Variants in PCCA observed in about 807,000 individuals in gnomAD.
PCCA encodes propionyl-CoA carboxylase subunit alpha, also known as propionyl-CoA carboxylase alpha chain, mitochondrial.
Under a neutral mutation model 101.3 loss-of-function variants are expected in PCCA, and 74 were observed. That is an observed-to-expected ratio of 0.73 (90% confidence interval 0.61 to 0.89). The LOEUF (loss-of-function observed/expected upper bound fraction) is 0.89. PCCA is among the 40% of genes least tolerant of loss of function. The pLI, the probability that PCCA is intolerant of heterozygous loss-of-function variation, is 0.00. For missense variants in PCCA, 891 were observed against 907.0 expected (o/e 0.98, Z 0.23); for synonymous variants, 294 against 313.6 (o/e 0.94, Z 0.66).
chr13:100,399,790 G>A (rs2077228369), intron 19 of PCCA, among the ~76,000 whole-genome samples: 1 of 152,204 alleles, frequency 6.6e-6, no homozygotes, highest in South Asian at 2.1e-4. Context: ...ATTGTAGAAA[G>A]CATAATATGC....
In PCCA at chr13:100,476,918, G is replaced by A. The variant is rs533133393; in HGVS notation, c.1899+27613G>A. Among the ~76,000 whole-genome samples the A allele has an allele frequency of 4.7e-4, 72 of 152,242 alleles. 2 individuals carry two copies. The South Asian group carries it at 0.013, about 27-fold the overall frequency. On this transcript the variant is annotated intron_variant, in intron 21 of 23. Transcript: ENST00000376285. Reference sequence around the variant, plus strand: ...ATGAAAACTTTAGACTCTGAAGCTCGTCACTTTATTCTGCCATATTTTAGT... The same window carrying A: ...ATGAAAACTTTAGACTCTGAAGCTCATCACTTTATTCTGCCATATTTTAGT...
At chr13:100,289,427 G>C (rs908200126) in intron 12 of PCCA, among the ~76,000 whole-genome samples, 4 of 152,118 alleles carry the variant, frequency 2.6e-5, no homozygotes, top group Non-Finnish European at 5.9e-5. Context: ...GGGATTATAG[G>C]AGTAAGCTGC....
At chr13:100,277,263 G>A (rs1186043310) in intron 12 of PCCA, among the ~76,000 whole-genome samples, 1 of 152,070 alleles carries the variant, frequency 6.6e-6, no homozygotes, top group African/African-American at 2.4e-5. Context: ...TACTTTGGTG[G>A]CCTCTTATCT....
At chr13:100,380,702 G>C (rs1445002068) in intron 19 of PCCA, among the ~76,000 whole-genome samples, 1 of 152,230 alleles carries the variant, frequency 6.6e-6, no homozygotes, top group Admixed American at 6.5e-5. Context: ...ATGGATTGAA[G>C]ACCTAAATAT....
intron 14 of PCCA, among the ~76,000 whole-genome samples, chr13:100,303,616 C>CATATATAT (rs58706151): frequency 3.4e-5 from 5 of 147,178 alleles, no homozygotes; most frequent in African/African-American, 1.2e-4. Context: ...GTAATAAGTG[C>CATATATAT]ATATATATAT....
At chr13:100,425,330 T>C (rs949689256) in intron 19 of PCCA, among the ~76,000 whole-genome samples, 2 of 152,280 alleles carry the variant, frequency 1.3e-5, no homozygotes, top group African/African-American at 4.8e-5. Context: ...GCATTACTTG[T>C]CTAATTGCAG....
chr13:100,427,018 C>T (rs747123534), intron 20 of PCCA, among the ~76,000 whole-genome samples: 15 of 152,132 alleles, frequency 9.9e-5, no homozygotes, highest in Non-Finnish European at 2.2e-4. Context: ...GCGTTCCAGA[C>T]CAGCCTGGCC....
intron 21 of PCCA, among the ~76,000 whole-genome samples, chr13:100,496,780 G>T (rs1398720494): frequency 6.6e-6 from 1 of 152,146 alleles, no homozygotes; most frequent in African/African-American, 2.4e-5. Flanking sequence ...CTCAGGGAAG[G>T]CTTCTGGAGT....
intron 18 of PCCA, among the ~76,000 whole-genome samples, chr13:100,352,975 C>G (rs1273484041): frequency 6.6e-6 from 1 of 152,158 alleles, no homozygotes. Flanking sequence ...CCTCAGCCTT[C>G]CAAGTAGCTG....
chr13:100,089,856 A>C lies in PCCA; in HGVS notation c.105+631A>C, dbSNP rs143047798. ...GTGAGCCTGATTTTGGCACTGTTCT[A>C]AACACATTTCATGACTGTTCTGTAT... is the stretch of plus-strand genomic sequence containing the variant. On this transcript the variant is annotated intron_variant, in intron 1 of 23. Transcript: ENST00000376285. Among the ~76,000 whole-genome samples the C allele has an allele frequency of 1.7e-3, 254 of 152,294 alleles. 2 individuals carry two copies. Among genetic ancestry groups the C allele is most frequent in the African/African-American group, 5.7e-3 (239 of 41,568 alleles).
intron 16 of PCCA, among the ~76,000 whole-genome samples, chr13:100,311,897 G>A (rs866619087): frequency 3.3e-5 from 5 of 152,144 alleles, no homozygotes; most frequent in Non-Finnish European, 4.4e-5. Flanking sequence ...TACTGTGTGC[G>A]GAGGTTATAT....
At chr13:100,366,960 C>A (rs557100189) in intron 18 of PCCA, among the ~76,000 whole-genome samples, 1 of 151,802 alleles carries the variant, frequency 6.6e-6, no homozygotes, top group South Asian at 2.1e-4. Context: ...GTTTTTGTGA[C>A]TCTGATTTTT....
intron 18 of PCCA, among the ~76,000 whole-genome samples, chr13:100,362,138 G>GT (rs1158139580): frequency 1.3e-5 from 2 of 151,860 alleles, no homozygotes; most frequent in African/African-American, 2.4e-5. Flanking sequence ...AAAAGCCACA[G>GT]TTTTTTTTGG....
At chr13:100,156,935 G>A (rs553501930) in intron 5 of PCCA, among the ~76,000 whole-genome samples, 1 of 152,348 alleles carries the variant, frequency 6.6e-6, no homozygotes, top group Admixed American at 6.5e-5. Flanking sequence ...TGTGGGCAAA[G>A]TTAGCCTCAG....
At chr13:100,293,101 ATAAG>A (rs1566879833) in intron 12 of PCCA, 1 of 382,670 alleles carries the variant, frequency 2.6e-6, no homozygotes, top group African/African-American at 2.1e-5. Flanking sequence ...TAAAATCTTA[ATAAG>A]TAAGTAATTA....
At chr13:100,374,256 TC>T (rs2152819399) in intron 19 of PCCA, among the ~76,000 whole-genome samples, 1 of 152,324 alleles carries the variant, frequency 6.6e-6, no homozygotes, top group East Asian at 1.9e-4. Context: ...TATTCTGATT[TC>T]TGAATACAGC....
intron 19 of PCCA, among the ~76,000 whole-genome samples, chr13:100,398,764 T>C (rs2077177858): frequency 2.0e-5 from 3 of 152,184 alleles, no homozygotes; most frequent in Non-Finnish European, 4.4e-5. Context: ...CTTTTAGATA[T>C]TGACATGCAA....
At chr13:100,233,027 G>A (rs1272431143) in intron 7 of PCCA, among the ~76,000 whole-genome samples, 2 of 152,038 alleles carry the variant, frequency 1.3e-5, no homozygotes, top group Non-Finnish European at 2.9e-5. Flanking sequence ...TTACTAAATT[G>A]TTTTTCAGAA....
chr13:100,291,597 C>G (rs1403932388), intron 12 of PCCA, among the ~76,000 whole-genome samples: 1 of 152,192 alleles, frequency 6.6e-6, no homozygotes, highest in East Asian at 1.9e-4. Context: ...AGTAATCCCC[C>G]TGCTGTGGTT....
Sources: gnomAD v4.1 joint callset for allele counts (sites outside exome capture counted in the v4.1 genomes callset) on GRCh38, gnomAD v4.1.1 for gene constraint, MANE v1.5 for transcripts, NCBI Gene and HGNC (gene_info 2026-07-23, HGNC 2026-07-21) for gene names.